VLDLR: variants seen among roughly 807,000 people sequenced by gnomAD.
VLDLR encodes very low density lipoprotein receptor.
VLDLR carries 81 observed loss-of-function variants against 112.7 expected under a neutral mutation model. The observed-to-expected ratio is 0.72, with a 90% CI of 0.60 to 0.86. VLDLR has a LOEUF of 0.86. Ranked by LOEUF, VLDLR falls within the 40% of genes least tolerant of loss-of-function variation. The pLI is 0.00. For synonymous variants in VLDLR, 436 were observed against 384.8 expected (o/e 1.13, Z -1.56); for missense variants, 1,237 against 1,099.4 (o/e 1.13, Z -1.77).
chr9:2,627,137 T>C (rs999052610), intron 1 of VLDLR, among the ~76,000 whole-genome samples: 1 of 152,192 alleles, frequency 6.6e-6, no homozygotes, highest in Non-Finnish European at 1.5e-5. Context: ...CCGCTTGGAA[T>C]AGAAGCTCTG....
chr9:2,647,129 A>C (rs1394186922), intron 11 of VLDLR, among the ~76,000 whole-genome samples: 1 of 147,762 alleles, frequency 6.8e-6, no homozygotes, highest in Non-Finnish European at 1.5e-5. Context: ...GTGCAGCCTC[A>C]TTAGAACTCA....
At chr9:2,623,489 C>T (rs1047269636) in intron 1 of VLDLR, among the ~76,000 whole-genome samples, 1 of 152,216 alleles carries the variant, frequency 6.6e-6, no homozygotes, top group Non-Finnish European at 1.5e-5. Context: ...CCTGCAGTCA[C>T]GTGCTCCTGA....
rs528663080 is a variant in VLDLR, at chr9:2,654,670, T to G, written c.*802T>G. 2 of 152,330 alleles carry G rather than the reference T, an allele frequency of 1.3e-5. No homozygotes were observed. Among genetic ancestry groups the G allele is most frequent in the South Asian group, 4.1e-4 (2 of 4,832 alleles). 9.4% of individuals were successfully genotyped at this position (152,330 alleles called of 1,614,324 possible). A position where few individuals can be genotyped will look rare whatever the true frequency, so the allele number is the denominator to read the frequency against. On this transcript the variant is annotated 3_prime_UTR_variant, in exon 19 of 19. Coordinates refer to ENST00000382100, the MANE Select transcript of VLDLR (RefSeq NM_003383.5). The stretch of plus-strand genomic sequence containing the variant: ...CATTTGCTCCCGAAATATTTCTTAC[T>G]GTGTAAAAGAAGCTAGCTTAGTCTG...
chr9:2,658,216 G>C lies in VLDLR; in HGVS notation c.*4348G>C, dbSNP rs1818674990. 1 of 152,148 alleles carries C rather than the reference G, an allele frequency of 6.6e-6. No homozygotes were observed. The allele number at this position is 152,148 out of a possible 1,614,324, so 9.4% of individuals were successfully genotyped here. A position where few individuals can be genotyped will look rare whatever the true frequency, so the allele number is the denominator to read the frequency against. ...AATGCATTTTACCAGTGAGGCTCTA[G>C]ATATGAAACTTAGGGATCCATAGAT... On this transcript the variant is annotated 3_prime_UTR_variant, in exon 19 of 19. Coordinates refer to ENST00000382100, the MANE Select transcript of VLDLR (RefSeq NM_003383.5).
chr9:2,652,617 C>G (rs1818403581), intron 17 of VLDLR, among the ~76,000 whole-genome samples, 163 bp from the exon 18 acceptor site: 1 of 152,208 alleles, frequency 6.6e-6, no homozygotes, highest in South Asian at 2.1e-4. Context: ...GAACTTGTTT[C>G]AAGCTCCTGG....
Position 2,622,179 on chromosome 9 carries a change from A to T in VLDLR, c.-11A>T. The T allele has an allele frequency of 6.8e-7, 1 of 1,480,836 alleles. No individual in the cohort carries two copies. The highest frequency in any genetic ancestry group is 2.8e-5 in the East Asian group (1 of 36,254). 91.7% of individuals were successfully genotyped at this position (1,480,836 alleles called of 1,614,324 possible). On this transcript the variant is annotated 5_prime_UTR_variant, in exon 1 of 19. Transcript: ENST00000382100. The stretch of plus-strand genomic sequence containing the variant: ...GGCGGCGGCGGCGGCGGCACCATCC[A>T]GGCGGGCACCATGGGCACGTCCGCG...
intron 1 of VLDLR, among the ~76,000 whole-genome samples, chr9:2,627,115 A>G (rs1817130314): frequency 6.6e-6 from 1 of 152,206 alleles, no homozygotes; most frequent in Admixed American, 6.5e-5. Context: ...CAAAGCAGGA[A>G]ACAGCCAAAG....
rs1168647000 is a variant in VLDLR at position 2,648,684 on chromosome 9, A to C, written c.1978A>C (p.Ile660Leu). 11 of 1,614,190 alleles carry C rather than the reference A, an allele frequency of 6.8e-6. No homozygotes were observed. Among genetic ancestry groups the C allele is most frequent in the Non-Finnish European group, 8.5e-6 (10 of 1,180,030 alleles). ...LTIFEDRVYW[I>L]DGENEAVYGA... ...TCTGTTTTAGGATCGTGTCTACTGG[A>C]TAGATGGGGAAAATGAAGCAGTCTA... Residue 660 changes from isoleucine to leucine, a missense_variant, in exon 14 of 19, where the codon ATA becomes CTA. Coordinates refer to ENST00000382100, the MANE Select transcript of VLDLR (RefSeq NM_003383.5).
chr9:2,648,586 A>C, intron 13 of VLDLR, 83 bp from the exon 14 acceptor site: 1 of 1,599,984 alleles, frequency 6.3e-7, no homozygotes, highest in Non-Finnish European at 8.6e-7. Flanking sequence ...TAGTCCATTA[A>C]ATGAGAAGTA....
intron 1 of VLDLR, among the ~76,000 whole-genome samples, chr9:2,634,141 G>A (rs927992942): frequency 3.3e-5 from 5 of 152,104 alleles, no homozygotes. Context: ...CACCCATATG[G>A]TCATCTTGAT....
At chr9:2,628,132 C>CTGG (rs1817177921) in intron 1 of VLDLR, among the ~76,000 whole-genome samples, 5 of 152,260 alleles carry the variant, frequency 3.3e-5, no homozygotes, top group African/African-American at 1.2e-4. Flanking sequence ...TGTCAGGCAC[C>CTGG]AGGTCCTGAG....
chr9:2,647,031 A>G (rs1377236933), intron 11 of VLDLR, among the ~76,000 whole-genome samples: 1 of 152,164 alleles, frequency 6.6e-6, no homozygotes, highest in Admixed American at 6.5e-5. Flanking sequence ...CATTTCACTA[A>G]GGGGGTTCTG....
chr9:2,647,415 T>C (rs1586655305), intron 11 of VLDLR, 59 bp from the exon 12 acceptor site: 1 of 1,467,284 alleles, frequency 6.8e-7, no homozygotes, highest in Non-Finnish European at 9.5e-7. Flanking sequence ...TGTTTCCAGC[T>C]ACTACAACTT....
intron 1 of VLDLR, among the ~76,000 whole-genome samples, chr9:2,627,881 A>T (rs2130763007): frequency 6.6e-6 from 1 of 151,908 alleles, no homozygotes; most frequent in East Asian, 1.9e-4. Context: ...AAAAAAAAAA[A>T]ATTGCTACAA....
chr9:2,641,729 G>A (rs1284054164), intron 4 of VLDLR, among the ~76,000 whole-genome samples: 1 of 152,114 alleles, frequency 6.6e-6, no homozygotes, highest in Non-Finnish European at 1.5e-5. Context: ...GAAATAAGAA[G>A]GTAAGTCATT....
At chr9:2,648,533 T>TAC (rs775874527) in intron 13 of VLDLR, 136 bp from the exon 14 acceptor site, 9 of 1,529,252 alleles carry the variant, frequency 5.9e-6, no homozygotes, top group African/African-American at 1.4e-5. Context: ...TTGATTCTTT[T>TAC]ACAGTTTTAT....
chr9:2,641,523 C>A (rs538935365), intron 4 of VLDLR, 24 bp downstream of exon 4: 1 of 1,613,690 alleles, frequency 6.2e-7, no homozygotes, highest in Non-Finnish European at 8.5e-7. Context: ...TGTTGAGTGA[C>A]GTAACCCAAA....
Position 2,622,251 on chromosome 9 carries a change from A to C in VLDLR, c.62A>C (p.Glu21Ala). The C allele has an allele frequency of 6.7e-7, 1 of 1,493,578 alleles. No homozygotes were observed. Among genetic ancestry groups the C allele is most frequent in the Non-Finnish European group, 8.9e-7 (1 of 1,128,142 alleles). The allele number at this position is 1,493,578 out of a possible 1,614,324, so 92.5% of individuals were successfully genotyped here. Residue 21 changes from glutamate (E) to alanine (A), a missense_variant, in exon 1 of 19, where the codon GAG (glutamate) becomes GCG (alanine). Transcript: ENST00000382100. ...LLLALCWAPR[E>A]SGATGTGRKA... ...CTCGCGCTGTGCTGGGCGCCCCGGG[A>C]GAGCGGCGCCACCGGAACCGGTGAG...
chr9:2,627,577 C>A (rs1367202181), intron 1 of VLDLR, among the ~76,000 whole-genome samples: 4 of 152,002 alleles, frequency 2.6e-5, no homozygotes, highest in African/African-American at 9.7e-5. Context: ...TAAATTGCAA[C>A]AAAGAGGCCG....
Sources: allele counts gnomAD v4.1 joint callset (sites outside exome capture counted in the v4.1 genomes callset), GRCh38; gene constraint gnomAD v4.1.1; transcripts MANE v1.5; gene names NCBI Gene and HGNC (gene_info 2026-07-23, HGNC 2026-07-21).